The following ZNF292 variants were observed in gnomAD, a reference collection of about 807,000 sequenced individuals.
ZNF292 encodes 16 zinc-finger domain protein.
ZNF292 carries 26 observed loss-of-function variants against 217.9 expected under a neutral mutation model. The ratio of observed to expected loss-of-function variants is 0.12; its 90% CI spans 0.09 to 0.17. The LOEUF is 0.17. ZNF292 is among the 10% of genes least tolerant of loss of function. ZNF292 has a pLI of 1.00. For missense variants in ZNF292, 2,904 were observed against 3,175.2 expected, an observed-to-expected ratio of 0.91 and a Z score of 2.05; for synonymous variants, 1,257 against 1,124.1, an observed-to-expected ratio of 1.12 and a Z score of -2.37.
intron 5 of ZNF292, among the ~76,000 whole-genome samples, chr6:87,236,380 C>G (rs1472260129): frequency 6.8e-6 from 1 of 147,862 alleles, no homozygotes; most frequent in Admixed American, 6.9e-5. Context: ...AGTTGATACC[C>G]CATAGGTTGT....
intron 1 of ZNF292, among the ~76,000 whole-genome samples, chr6:87,198,504 C>T (rs752403372): frequency 1.3e-5 from 2 of 152,088 alleles, no homozygotes; most frequent in Non-Finnish European, 2.9e-5. Flanking sequence ...ACGCCCGGCC[C>T]ATTGCATGTT....
chr6:87,247,080 A>G (rs913909127), intron 7 of ZNF292, among the ~76,000 whole-genome samples: 3 of 151,730 alleles, frequency 2.0e-5, no homozygotes, highest in Middle Eastern at 3.2e-3. Context: ...GCTTGAGCCC[A>G]GGAGGTGGAG....
chr6:87,176,820 A>G (rs924979601), intron 1 of ZNF292, among the ~76,000 whole-genome samples: 3 of 152,228 alleles, frequency 2.0e-5, no homozygotes, highest in South Asian at 2.1e-4. Context: ...CCAGGTGTCC[A>G]TTATTTTTAT....
chr6:87,187,934 T>G (rs1771714340), intron 1 of ZNF292, among the ~76,000 whole-genome samples: 1 of 152,136 alleles, frequency 6.6e-6, no homozygotes, highest in Admixed American at 6.6e-5. Context: ...GCTACCTATC[T>G]GCTTATTACT....
In ZNF292 at chr6:87,189,069, G is replaced by A. The variant is rs182017341; in HGVS notation, c.169-26834G>A. On this transcript the variant is annotated intron_variant, in intron 1 of 7. Transcript: ENST00000369577. ...GAAATACAAAAATTAGCTGGATAAGGTGGCGAGCGCCTGTAATTGCAGCTA... is the reference window on the plus strand; with the variant it reads ...GAAATACAAAAATTAGCTGGATAAGATGGCGAGCGCCTGTAATTGCAGCTA... 7.3e-3 allele frequency among the ~76,000 whole-genome samples: 1,103 copies of A among 152,062 alleles called. 4 individuals carry two copies. Among genetic ancestry groups the A allele is most frequent in the Non-Finnish European group, 0.012 (793 of 67,978 alleles).
intron 4 of ZNF292, among the ~76,000 whole-genome samples, chr6:87,220,575 CCT>C: frequency 6.6e-6 from 1 of 152,304 alleles, no homozygotes; most frequent in East Asian, 1.9e-4. Context: ...AGGAGTAACT[CCT>C]TTTCCCATTG....
At chr6:87,224,594 C>G (rs143192427) in intron 4 of ZNF292, among the ~76,000 whole-genome samples, 1 of 152,194 alleles carries the variant, frequency 6.6e-6, no homozygotes, top group Non-Finnish European at 1.5e-5. Context: ...GCTTCTTTCA[C>G]ATAGCATTGT....
At chr6:87,239,541 C>G (rs546310657) in intron 5 of ZNF292, among the ~76,000 whole-genome samples, 6 of 93,862 alleles carry the variant, frequency 6.4e-5, no homozygotes, top group South Asian at 8.6e-4. Flanking sequence ...GGCTGCCCCC[C>G]ACCTCCCGGA....
At chr6:87,253,432 G>T (rs1342528542) in intron 7 of ZNF292, among the ~76,000 whole-genome samples, 1 of 151,598 alleles carries the variant, frequency 6.6e-6, no homozygotes, top group African/African-American at 2.4e-5. Flanking sequence ...GTTTCCCTAT[G>T]TTGCCCAGGT....
intron 1 of ZNF292, among the ~76,000 whole-genome samples, chr6:87,203,773 C>T (rs1381965324): frequency 6.6e-6 from 1 of 151,876 alleles, no homozygotes. Context: ...GTTAGGCATC[C>T]ATGGGTGGGG....
In ZNF292 at chr6:87,259,660, A is replaced by C. The variant is rs535741015; in HGVS notation, c.6031A>C (p.Met2011Leu). 27 of 1,589,020 alleles carry C rather than the reference A, an allele frequency of 1.7e-5. 1 individual carries two copies. The South Asian group carries it at 3.1e-4, about 18-fold the overall frequency. The change falls in exon 8 of 8, where the codon ATG becomes CTG. Residue 2011 changes from methionine to leucine, a missense_variant. Met to Leu is a conservative substitution (Grantham distance 15). This residue lies in a region of ZNF292 where 261 missense variants were observed against 272.8 expected (regional missense o/e 0.96). Transcript: ENST00000369577. ...TACACAAGTGAAAAAACAGCTAGCT[A>C]TGACAGAGGAAAATAAAAAGGAATC... ...RSTQVKKQLA[M>L]TEENKKESQP...
intron 1 of ZNF292, among the ~76,000 whole-genome samples, chr6:87,159,124 T>A (rs1770636343): frequency 6.6e-6 from 1 of 152,216 alleles, no homozygotes; most frequent in African/African-American, 2.4e-5. Flanking sequence ...GATCCGTAGT[T>A]TATAGATTTT....
At chr6:87,208,591 A>G (rs889785096) in intron 1 of ZNF292, among the ~76,000 whole-genome samples, 5 of 99,238 alleles carry the variant, frequency 5.0e-5, no homozygotes, top group South Asian at 3.2e-4. Flanking sequence ...TCTTTATTCA[A>G]AGTTGCTTTT....
chr6:87,184,922 T>G (rs1771596558), intron 1 of ZNF292, among the ~76,000 whole-genome samples: 1 of 152,224 alleles, frequency 6.6e-6, no homozygotes, highest in Non-Finnish European at 1.5e-5. Flanking sequence ...CAATCCATTT[T>G]CTGTATTTGC....
chr6:87,229,514 CCT>C (rs1773540926), intron 4 of ZNF292, among the ~76,000 whole-genome samples: 1 of 152,174 alleles, frequency 6.6e-6, no homozygotes, highest in Non-Finnish European at 1.5e-5. Flanking sequence ...GCAACCTCCG[CCT>C]CCCGGGTTCA....
At chr6:87,163,007 C>G (rs1389837639) in intron 1 of ZNF292, among the ~76,000 whole-genome samples, 1 of 152,094 alleles carries the variant, frequency 6.6e-6, no homozygotes, top group Non-Finnish European at 1.5e-5. Flanking sequence ...AGGAGAGCCT[C>G]CTGATTCATT....
At chr6:87,196,027 C>CAAA (rs147308020) in intron 1 of ZNF292, among the ~76,000 whole-genome samples, 168 of 95,786 alleles carry the variant, frequency 1.8e-3, no homozygotes, top group African/African-American at 6.0e-3. Flanking sequence ...GACTCCGTCT[C>CAAA]AAAAAAAAAA....
chr6:87,259,737 A>G lies in ZNF292; in HGVS notation c.6108A>G (p.Val2036=), dbSNP rs775657896. ...RAETQNTHSN[V]AVIPEKQLVE... The stretch of plus-strand genomic sequence containing the variant: ...AGACCCAAAATACCCACAGTAATGT[A>G]GCAGTGATCCCAGAAAAACAACTTG... Residue 2036 remains valine, a synonymous_variant, in exon 8 of 8, where the codon GTA becomes GTG. Coordinates refer to ENST00000369577, the MANE Select transcript of ZNF292 (RefSeq NM_015021.3). 8 of 1,603,936 alleles carry G rather than the reference A, an allele frequency of 5.0e-6. No individual in the cohort carries two copies. Among genetic ancestry groups the G allele is most frequent in the African/African-American group, 1.3e-5 (1 of 74,690 alleles).
Position 87,265,063 on chromosome 6 carries a change from TAA to T in ZNF292, c.*3263_*3264del, listed in dbSNP as rs1459097729. On this transcript the variant is annotated 3_prime_UTR_variant, in exon 8 of 8. Coordinates refer to ENST00000369577, the MANE Select transcript of ZNF292 (RefSeq NM_015021.3). ...GTGGAAGGTTATTGCTGTGATGAAA[TAA>T]GTTTTCTAAATTGTGTGCTGTAGTT... 6.6e-6 allele frequency among the ~76,000 whole-genome samples: 1 copy of T among 152,080 alleles called. No homozygotes were observed. The highest frequency in any genetic ancestry group is 2.4e-5 in the African/African-American group (1 of 41,396).
Sources: gnomAD v4.1 joint callset for allele counts (sites outside exome capture counted in the v4.1 genomes callset) on GRCh38, gnomAD v4.1.1 for gene constraint, gnomAD v4.1.1 regional missense constraint, MANE v1.5 for transcripts, NCBI Gene and HGNC (gene_info 2026-07-23, HGNC 2026-07-21) for gene names.